The following ERGIC1 variants were observed in gnomAD, a reference collection of about 807,000 sequenced individuals.
ERGIC1 encodes the protein endoplasmic reticulum-golgi intermediate compartment 1.
A neutral mutation model predicts 38.3 loss-of-function variants in ERGIC1; 19 were observed. The ratio of observed to expected loss-of-function variants is 0.50; its 90% CI spans 0.35 to 0.73. The LOEUF (loss-of-function observed/expected upper bound fraction) is 0.73, where lower values mean the gene tolerates loss of function less well. Among genes scored for constraint, ERGIC1 ranks in the 30% least tolerant of loss-of-function variants. The pLI is 0.01. For missense variants in ERGIC1, 294 were observed against 389.2 expected, an observed-to-expected ratio of 0.76 and a Z score of 2.06; for synonymous variants, 124 against 157.6, an observed-to-expected ratio of 0.79 and a Z score of 1.60.
chr5:172,889,740 T>C (rs1015124409), intron 2 of ERGIC1, among the ~76,000 whole-genome samples: 7 of 152,222 alleles, frequency 4.6e-5, no homozygotes, highest in Admixed American at 3.3e-4. Context: ...GTATCTCTTA[T>C]CCAAAATGCT....
rs563650017 is a variant in ERGIC1 at position 172,839,379 on chromosome 5, CAA to C, written c.20+4947_20+4948del. Among the ~76,000 whole-genome samples the C allele has an allele frequency of 6.2e-3, 666 of 106,888 alleles. 6 individuals carry two copies. Among genetic ancestry groups the C allele is most frequent in the African/African-American group, 0.028 (628 of 22,756 alleles). The allele number at this position is 106,888 out of a possible 152,430, so 70.1% of individuals were successfully genotyped here. ...TTCAAGACCAAGCTGGTCAACATAG[CAA>C]GACCCCAGACCCCATCTCTATGGGG... On this transcript the variant is annotated intron_variant, in intron 1 of 9. Coordinates refer to ENST00000393784, the MANE Select transcript of ERGIC1 (RefSeq NM_001031711.3).
At chr5:172,932,106 A>G (rs479636) in intron 7 of ERGIC1, among the ~76,000 whole-genome samples, 87,631 of 151,624 alleles carry the variant, frequency 0.58, 25,973 homozygotes, top group African/African-American at 0.64. Flanking sequence ...TGATCCACCC[A>G]CCTCGGCCTC....
intron 6 of ERGIC1, among the ~76,000 whole-genome samples, chr5:172,924,648 G>A (rs1763609541): frequency 6.6e-6 from 1 of 152,208 alleles, no homozygotes; most frequent in African/African-American, 2.4e-5. Flanking sequence ...GACCGAGGCA[G>A]GTGGAGGGGA....
At position 172,890,349 on chromosome 5, in the gene ERGIC1, G is replaced by T. The variant is rs1762527684; in HGVS notation, c.82+1589G>T. ...CACTGATAAGAGACTAAGGACCCAG[G>T]ATGAAAATGCAAAGTGGACTCCCAG... is the stretch of plus-strand genomic sequence containing the variant. On this transcript the variant is annotated intron_variant, in intron 2 of 9. Coordinates refer to ENST00000393784, the MANE Select transcript of ERGIC1 (RefSeq NM_001031711.3). Among the ~76,000 whole-genome samples, 5 of 152,152 alleles carry T rather than the reference G, an allele frequency of 3.3e-5. No individual in the cohort carries two copies. The South Asian group carries it at 1.0e-3, about 32-fold the overall frequency.
intron 1 of ERGIC1, among the ~76,000 whole-genome samples, chr5:172,887,809 G>T (rs1762459436): frequency 6.6e-6 from 1 of 152,238 alleles, no homozygotes; most frequent in Admixed American, 6.5e-5. Flanking sequence ...TGGGCTCCTG[G>T]CAGGACTTTC....
At position 172,866,593 on chromosome 5, in the gene ERGIC1, G is replaced by A. The variant is rs147287628; in HGVS notation, c.21-22106G>A. Among the ~76,000 whole-genome samples the A allele has an allele frequency of 1.4e-4, 21 of 152,364 alleles. No homozygotes were observed. The East Asian group carries it at 4.1e-3, about 29-fold the overall frequency. ...CTAAGCCTTTTCCCTGTACTAACAT[G>A]TGAACCCCCTCTGAGCAAGCCAGCG... is the stretch of plus-strand genomic sequence containing the variant. On this transcript the variant is annotated intron_variant, in intron 1 of 9. Transcript: ENST00000393784.
chr5:172,880,523 C>A (rs1036866210), intron 1 of ERGIC1, among the ~76,000 whole-genome samples: 3 of 152,016 alleles, frequency 2.0e-5, no homozygotes, highest in African/African-American at 4.8e-5. Context: ...GACAGGGTTT[C>A]ACCATGTTGC....
intron 1 of ERGIC1, among the ~76,000 whole-genome samples, chr5:172,857,594 C>T (rs1388206089): frequency 1.4e-5 from 2 of 142,936 alleles, no homozygotes; most frequent in South Asian, 5.1e-4. Context: ...TGGTGCCCCC[C>T]CCACCCACCC....
chr5:172,865,794 A>G (rs1245182521), intron 1 of ERGIC1, among the ~76,000 whole-genome samples: 1 of 152,138 alleles, frequency 6.6e-6, no homozygotes, highest in Non-Finnish European at 1.5e-5. Flanking sequence ...TCAGTGCTTC[A>G]TTCTTTTTTA....
intron 3 of ERGIC1, among the ~76,000 whole-genome samples, chr5:172,905,034 G>T (rs1455229014): frequency 6.6e-6 from 1 of 152,166 alleles, no homozygotes; most frequent in South Asian, 2.1e-4. Flanking sequence ...ACGCCTGGGA[G>T]AGGCTTCTTG....
At chr5:172,909,800 C>A in intron 4 of ERGIC1, 39 bp downstream of exon 4, 1 of 1,550,208 alleles carries the variant, frequency 6.5e-7, no homozygotes, top group Non-Finnish European at 8.9e-7. Context: ...AGCAGGACAC[C>A]TCCTTAGGGC....
intron 1 of ERGIC1, among the ~76,000 whole-genome samples, chr5:172,860,569 C>T (rs542127488): frequency 9.7e-4 from 147 of 152,298 alleles, no homozygotes; most frequent in African/African-American, 3.3e-3. Context: ...GGGATGGGAG[C>T]GGTGTGTGCA....
At position 172,935,216 on chromosome 5, in the gene ERGIC1, G is replaced by T. The variant is rs1173451115; in HGVS notation, c.671G>T (p.Arg224Leu). ...KEYVAYSHTG[R>L]IIPAIWFRYD... is the part of the protein sequence containing the mutation. The stretch of plus-strand genomic sequence containing the variant: ...TACGTCGCCTACAGCCACACGGGCC[G>T]CATCATCCCTGCAATCTGGTTCCGC... Residue 224 changes from arginine to leucine, a missense_variant, in exon 9 of 10, where the codon CGC becomes CTC. By Grantham distance (102) the Arg-to-Leu change is moderately radical. Transcript: ENST00000393784. The T allele has an allele frequency of 6.2e-7, 1 of 1,614,104 alleles. No individual in the cohort carries two copies. The highest frequency in any genetic ancestry group is 1.7e-5 in the Admixed American group (1 of 60,018).
chr5:172,882,485 G>A (rs562280096), intron 1 of ERGIC1, among the ~76,000 whole-genome samples: 71 of 152,188 alleles, frequency 4.7e-4, no homozygotes, highest in Non-Finnish European at 7.6e-4. Flanking sequence ...CCCAGAGTAC[G>A]GGCAGTGGAA....
At position 172,846,328 on chromosome 5, in the gene ERGIC1, AG is replaced by A. The variant is rs1217953539; in HGVS notation, c.20+11897del. ...GCGCCTCTTTCTGCGCTGTCTGTGC[AG>A]GACGCCCAGCACTGGGCACTTTGAG... On this transcript the variant is annotated intron_variant, in intron 1 of 9. Transcript: ENST00000393784. The surrounding 1 kb of genome is among the most constrained non-coding windows in gnomAD (Gnocchi z 4.0). Among the ~76,000 whole-genome samples, 2 of 152,210 alleles carry A rather than the reference AG, an allele frequency of 1.3e-5. No homozygotes were observed. Among genetic ancestry groups the A allele is most frequent in the Non-Finnish European group, 2.9e-5 (2 of 68,020 alleles).
At chr5:172,887,879 TG>T (rs1762460489) in intron 1 of ERGIC1, among the ~76,000 whole-genome samples, 2 of 152,036 alleles carry the variant, frequency 1.3e-5, no homozygotes, top group Admixed American at 1.3e-4. Context: ...CAGCAGGAGC[TG>T]GGGGGTGCAG....
At chr5:172,875,028 G>T (rs928421566) in intron 1 of ERGIC1, among the ~76,000 whole-genome samples, 2 of 152,052 alleles carry the variant, frequency 1.3e-5, no homozygotes, top group Non-Finnish European at 2.9e-5. Context: ...GCCATACAGA[G>T]ATGCAAAGGC....
chr5:172,893,911 G>GTGTA (rs1471499278), intron 2 of ERGIC1, among the ~76,000 whole-genome samples: 1 of 35,072 alleles, frequency 2.9e-5, no homozygotes, highest in African/African-American at 1.1e-4. Context: ...ATATATGTGT[G>GTGTA]TGTGTGTGTG....
At chr5:172,908,310 G>GC (rs1462318026) in intron 3 of ERGIC1, among the ~76,000 whole-genome samples, 2 of 28,676 alleles carry the variant, frequency 7.0e-5, no homozygotes, top group Non-Finnish European at 1.4e-4. Flanking sequence ...CGGGGGCGGG[G>GC]GGGGGGGGAG....
Sources: gnomAD v4.1 joint callset for allele counts (sites outside exome capture counted in the v4.1 genomes callset) on GRCh38, gnomAD v4.1.1 for gene constraint, Gnocchi (gnomAD v3.1) non-coding constraint, MANE v1.5 for transcripts, NCBI Gene and HGNC (gene_info 2026-07-23, HGNC 2026-07-21) for gene names.